TEKT5: variants seen among roughly 807,000 people sequenced by gnomAD.
TEKT5 encodes the protein tektin 5, also known as tektin-5.
Under a neutral mutation model 48.7 loss-of-function variants are expected in TEKT5, and 52 were observed. The observed-to-expected ratio is 1.07, with a 90% CI of 0.86 to 1.35. The LOEUF is 1.35. TEKT5 is among the 40% of genes most tolerant of loss of function. The pLI, the probability that TEKT5 is intolerant of heterozygous loss-of-function variation, is 0.00. For synonymous variants in TEKT5, 318 were observed against 267.6 expected (o/e 1.19, Z -1.84); for missense variants, 831 against 641.6 (o/e 1.30, Z -3.19).
In TEKT5 at chr16:10,642,814, G is replaced by A. The variant is rs542117240; in HGVS notation, c.1087-6896C>T. On this transcript the variant is annotated intron_variant, in intron 5 of 6. Coordinates refer to ENST00000283025, the MANE Select transcript of TEKT5 (RefSeq NM_144674.2). ...TCATAGAAGTAAACAGTAGAACAGA[G>A]GATACTACAGGCTGGGAAGGGGAAG... Among the ~76,000 whole-genome samples, 6 of 151,758 alleles carry A rather than the reference G, an allele frequency of 4.0e-5. No homozygotes were observed. The South Asian group carries it at 8.3e-4, about 21-fold the overall frequency.
At chr16:10,643,933 G>A (rs1030608512) in intron 5 of TEKT5, among the ~76,000 whole-genome samples, 6 of 151,956 alleles carry the variant, frequency 3.9e-5, no homozygotes, top group East Asian at 3.9e-4. Flanking sequence ...TCCCAACTAC[G>A]CGGGAGGCTG....
intron 5 of TEKT5, among the ~76,000 whole-genome samples, chr16:10,642,777 A>C (rs1479045050): frequency 1.3e-5 from 2 of 152,326 alleles, no homozygotes; most frequent in East Asian, 3.9e-4. Flanking sequence ...TGCAGAAGCT[A>C]AAGTGTTGAT....
intron 5 of TEKT5, among the ~76,000 whole-genome samples, chr16:10,659,554 T>G (rs1335392997): frequency 6.6e-6 from 1 of 152,144 alleles, no homozygotes; most frequent in East Asian, 1.9e-4. Context: ...TAATTTTTTG[T>G]ATTTTTAGTA....
At chr16:10,641,695 G>A (rs1028865002) in intron 5 of TEKT5, among the ~76,000 whole-genome samples, 2 of 152,146 alleles carry the variant, frequency 1.3e-5, no homozygotes, top group Non-Finnish European at 2.9e-5. Flanking sequence ...GGTGATGCGC[G>A]CCTGTAGTCC....
At chr16:10,667,535 C>T (rs192710020) in intron 5 of TEKT5, among the ~76,000 whole-genome samples, 5 of 152,332 alleles carry the variant, frequency 3.3e-5, no homozygotes, top group African/African-American at 4.8e-5. Flanking sequence ...CATCCGACCA[C>T]GTGGCAGCTT....
intron 3 of TEKT5, among the ~76,000 whole-genome samples, chr16:10,682,341 G>C (rs544230899): frequency 7.0e-6 from 1 of 142,848 alleles, no homozygotes; most frequent in East Asian, 2.0e-4. Context: ...TTTTTTTTTT[G>C]TTTCCAGACA....
At chr16:10,645,995 A>T (rs949513594) in intron 5 of TEKT5, among the ~76,000 whole-genome samples, 2 of 151,818 alleles carry the variant, frequency 1.3e-5, no homozygotes, top group Non-Finnish European at 2.9e-5. Flanking sequence ...CTGGCCAGGC[A>T]TATAGTGCAC....
At chr16:10,634,510 C>T (rs200598646) in intron 6 of TEKT5, among the ~76,000 whole-genome samples, 20 of 152,274 alleles carry the variant, frequency 1.3e-4, no homozygotes, top group South Asian at 2.1e-4. Flanking sequence ...CCCCCTCCAC[C>T]GGAAACCCTG....
chr16:10,677,124 G>A (rs1366005375), intron 4 of TEKT5, among the ~76,000 whole-genome samples: 1 of 152,150 alleles, frequency 6.6e-6, no homozygotes, highest in Admixed American at 6.5e-5. Context: ...CCAGGAGTCC[G>A]GGACTGCAGT....
chr16:10,676,300 G>A (rs1898646366), intron 4 of TEKT5, 119 bp from the exon 5 acceptor site: 3 of 971,322 alleles, frequency 3.1e-6, no homozygotes, highest in Admixed American at 4.3e-5. Flanking sequence ...GCATTGTAGG[G>A]TGCTTGGGAT....
intron 5 of TEKT5, among the ~76,000 whole-genome samples, chr16:10,655,676 T>A (rs1433303257): frequency 6.6e-6 from 1 of 152,170 alleles, no homozygotes; most frequent in Admixed American, 6.5e-5. Flanking sequence ...TCTTGGGAAG[T>A]CTCTTTTAAA....
Position 10,694,679 on chromosome 16 carries a change from CG to C in TEKT5, c.194del (p.Pro65ArgfsTer51). On this transcript the variant is annotated frameshift_variant, in exon 1 of 7. Transcript: ENST00000283025. LOFTEE classifies it high-confidence loss of function. The part of the protein sequence containing the change: ...FYKIANVQTC[P>X]DESTSTLRPP... The stretch of plus-strand genomic sequence containing the variant: ...GCCGCAGGGTACTGGTGCTCTCGTC[CG>C]GGCAGGTCTGGACGTTGGCTATCTT... The C allele has an allele frequency of 6.2e-7, 1 of 1,613,132 alleles. No individual in the cohort carries two copies. The highest frequency in any genetic ancestry group is 8.5e-7 in the Non-Finnish European group (1 of 1,179,498).
At chr16:10,650,977 T>G (rs1215896302) in intron 5 of TEKT5, among the ~76,000 whole-genome samples, 1 of 151,830 alleles carries the variant, frequency 6.6e-6, no homozygotes, top group Non-Finnish European at 1.5e-5. Context: ...TTCCAGAAGT[T>G]TGAGGAATGG....
intron 3 of TEKT5, among the ~76,000 whole-genome samples, chr16:10,686,742 C>G (rs894340866): frequency 5.9e-5 from 9 of 152,142 alleles, no homozygotes; most frequent in African/African-American, 2.2e-4. Flanking sequence ...GTAAAGAACT[C>G]AGACAACTCA....
Position 10,677,011 on chromosome 16 carries a change from C to T in TEKT5, c.864-830G>A, listed in dbSNP as rs930031831. On this transcript the variant is annotated intron_variant, in intron 4 of 6. Transcript: ENST00000283025. ...CCACACTGGGCAATGTGGTGAAACC[C>T]ACATCTCTATAAAAAATGTCAAAAA... Among the ~76,000 whole-genome samples, 4 of 152,128 alleles carry T rather than the reference C, an allele frequency of 2.6e-5. No homozygotes were observed. In the East Asian group the frequency reaches 7.7e-4, roughly 29 times the overall value.
chr16:10,652,584 T>C (rs1306796052), intron 5 of TEKT5, among the ~76,000 whole-genome samples: 1 of 91,372 alleles, frequency 1.1e-5, no homozygotes, highest in African/African-American at 4.6e-5. Flanking sequence ...GGTAGAATGA[T>C]CCCTTATATA....
At chr16:10,627,894 G>T in intron 6 of TEKT5, 95 bp from the exon 7 acceptor site, 2 of 1,211,522 alleles carry the variant, frequency 1.7e-6, no homozygotes, top group Non-Finnish European at 2.3e-6. Context: ...CCAGGCTGGA[G>T]TGCAGTGGCA....
intron 5 of TEKT5, among the ~76,000 whole-genome samples, chr16:10,654,552 C>A (rs1430980687): frequency 6.6e-6 from 1 of 152,144 alleles, no homozygotes; most frequent in Non-Finnish European, 1.5e-5. Flanking sequence ...ACTGAGGGTC[C>A]GAACAGAACA....
At chr16:10,649,637 A>C (rs1280741258) in intron 5 of TEKT5, among the ~76,000 whole-genome samples, 1 of 147,578 alleles carries the variant, frequency 6.8e-6, no homozygotes, top group African/African-American at 2.5e-5. Flanking sequence ...GGTCTCCCCA[A>C]GTTGCCCAGG....
Sources: gnomAD v4.1 joint callset for allele counts (sites outside exome capture counted in the v4.1 genomes callset) on GRCh38, gnomAD v4.1.1 for gene constraint, MANE v1.5 for transcripts, NCBI Gene and HGNC (gene_info 2026-07-23, HGNC 2026-07-21) for gene names.